UNC13B: variants seen among roughly 807,000 people sequenced by gnomAD.
UNC13B encodes the protein unc-13 homolog B.
A neutral mutation model predicts 211.0 loss-of-function variants in UNC13B; 144 were observed. That is an observed-to-expected ratio of 0.68 (90% CI 0.60 to 0.78). The LOEUF is 0.78. Among genes scored for constraint, UNC13B ranks in the 30% least tolerant of loss-of-function variants. The pLI is 0.00. For missense variants in UNC13B, 1,777 were observed against 2,002.0 expected (o/e 0.89, Z 2.14); for synonymous variants, 709 against 725.8 (o/e 0.98, Z 0.37).
At chr9:35,214,339 A>G (rs919479336) in intron 1 of UNC13B, among the ~76,000 whole-genome samples, 24 of 152,166 alleles carry the variant, frequency 1.6e-4, no homozygotes, top group Non-Finnish European at 2.9e-4. Flanking sequence ...AGGCAGGAGA[A>G]TCACTTGAAC....
intron 22 of UNC13B, chr9:35,384,884 G>C (rs1835092566): frequency 1.5e-6 from 1 of 658,696 alleles, no homozygotes; most frequent in Non-Finnish European, 1.9e-6. Flanking sequence ...CTTAGAAATG[G>C]CTTCATTACT....
At chr9:35,255,978 C>T (rs1176653120) in intron 6 of UNC13B, among the ~76,000 whole-genome samples, 4 of 152,120 alleles carry the variant, frequency 2.6e-5, no homozygotes, top group African/African-American at 4.8e-5. Context: ...CAGGAATGAA[C>T]AAGGACAGCT....
chr9:35,397,837 T>C, intron 30 of UNC13B, 125 bp downstream of exon 30: 1 of 985,512 alleles, frequency 1.0e-6, no homozygotes, highest in Non-Finnish European at 1.5e-6. Flanking sequence ...CACCATGGCT[T>C]TGCTTCAGAT....
chr9:35,223,061 G>GTA (rs745920102), intron 1 of UNC13B, among the ~76,000 whole-genome samples: 3 of 152,098 alleles, frequency 2.0e-5, no homozygotes, highest in Non-Finnish European at 2.9e-5. Context: ...GTATTCCATT[G>GTA]TATATATATA....
At chr9:35,169,188 TA>T (rs1209417869) in intron 1 of UNC13B, among the ~76,000 whole-genome samples, 1 of 152,074 alleles carries the variant, frequency 6.6e-6, no homozygotes, top group Non-Finnish European at 1.5e-5. Context: ...CCATTCCTAC[TA>T]AAAAAATATT....
At chr9:35,383,055 C>A (rs1234452707) in intron 21 of UNC13B, among the ~76,000 whole-genome samples, 2 of 152,298 alleles carry the variant, frequency 1.3e-5, no homozygotes, top group East Asian at 3.9e-4. Flanking sequence ...TTGGCCAGAA[C>A]CCCTCTGGGC....
intron 11 of UNC13B, among the ~76,000 whole-genome samples, chr9:35,339,207 C>A (rs1431926957): frequency 6.6e-6 from 1 of 152,196 alleles, no homozygotes; most frequent in African/African-American, 2.4e-5. Context: ...ATGCCTTTTC[C>A]TTCTTAACCC....
At chr9:35,268,618 C>T (rs557159646) in intron 7 of UNC13B, among the ~76,000 whole-genome samples, 22 of 152,180 alleles carry the variant, frequency 1.4e-4, no homozygotes, top group Non-Finnish European at 2.2e-4. Flanking sequence ...GACTCTGTCT[C>T]GGAAAAAATT....
chr9:35,274,554 A>T (rs1013203486), intron 7 of UNC13B, among the ~76,000 whole-genome samples: 2 of 152,190 alleles, frequency 1.3e-5, no homozygotes, highest in Non-Finnish European at 2.9e-5. Context: ...GGCCCTTTGA[A>T]GACATTAGGA....
chr9:35,258,965 T>G (rs1446054076), intron 6 of UNC13B, 28 bp from the exon 7 acceptor site: 1 of 1,605,908 alleles, frequency 6.2e-7, no homozygotes, highest in Admixed American at 1.7e-5. Flanking sequence ...TTGTATTTAT[T>G]TATTTATTTT....
At chr9:35,277,220 T>TA (rs774882967) in intron 7 of UNC13B, among the ~76,000 whole-genome samples, 12 of 152,198 alleles carry the variant, frequency 7.9e-5, no homozygotes, top group Non-Finnish European at 1.6e-4. Context: ...GATCATTGAA[T>TA]AAGAGTGTAA....
intron 1 of UNC13B, among the ~76,000 whole-genome samples, chr9:35,210,480 G>A (rs1343069817): frequency 6.6e-6 from 1 of 151,812 alleles, no homozygotes; most frequent in Non-Finnish European, 1.5e-5. Context: ...TCCTACTTGC[G>A]GGGCTGACAT....
chr9:35,315,941 T>A (rs547995064), intron 11 of UNC13B, among the ~76,000 whole-genome samples: 1 of 152,308 alleles, frequency 6.6e-6, no homozygotes, highest in Admixed American at 6.5e-5. Flanking sequence ...GAGCATTGCG[T>A]CAGAAAGTAC....
chr9:35,257,842 G>A (rs997185176), intron 6 of UNC13B, among the ~76,000 whole-genome samples: 2 of 151,990 alleles, frequency 1.3e-5, no homozygotes, highest in African/African-American at 2.4e-5. Context: ...AGAGTGTTAC[G>A]TACAACACCA....
intron 9 of UNC13B, among the ~76,000 whole-genome samples, chr9:35,308,817 T>A (rs1341945264): frequency 3.9e-5 from 6 of 152,202 alleles, no homozygotes; most frequent in Non-Finnish European, 7.3e-5. Context: ...GGCACTTATA[T>A]CTTGTAGGAG....
chr9:35,325,748 C>G (rs1830969983), intron 11 of UNC13B, among the ~76,000 whole-genome samples: 2 of 152,194 alleles, frequency 1.3e-5, no homozygotes, highest in Admixed American at 1.3e-4. Context: ...ATTCCCTTTT[C>G]CACCAGCCTG....
chr9:35,162,464 T>C (rs1564035269), intron 1 of UNC13B, among the ~76,000 whole-genome samples, 159 bp downstream of exon 1: 1 of 152,222 alleles, frequency 6.6e-6, no homozygotes, highest in Non-Finnish European at 1.5e-5. Context: ...CTTGAGTTCT[T>C]TCCACTTTCT....
intron 11 of UNC13B, among the ~76,000 whole-genome samples, chr9:35,358,762 C>T (rs989289367): frequency 7.5e-6 from 1 of 133,242 alleles, no homozygotes; most frequent in Admixed American, 8.8e-5. Flanking sequence ...GGCGTGATTT[C>T]GGCTCACAGC....
intron 3 of UNC13B, among the ~76,000 whole-genome samples, chr9:35,234,275 C>T (rs941611636): frequency 6.6e-6 from 1 of 151,976 alleles, no homozygotes; most frequent in Non-Finnish European, 1.5e-5. Context: ...GCCACCATGT[C>T]TAGCTAATTA....
Sources: allele counts gnomAD v4.1 joint callset (sites outside exome capture counted in the v4.1 genomes callset), GRCh38; gene constraint gnomAD v4.1.1; transcripts MANE v1.5; gene names NCBI Gene and HGNC (gene_info 2026-07-23, HGNC 2026-07-21).